The following SEMA3E variants were observed in gnomAD, a reference collection of about 807,000 sequenced individuals.
SEMA3E encodes semaphorin 3E, also known as semaphorin-3E.
A neutral mutation model predicts 93.6 loss-of-function variants in SEMA3E; 49 were observed. The observed-to-expected ratio is 0.52, with a 90% CI of 0.42 to 0.66. The LOEUF (loss-of-function observed/expected upper bound fraction) is 0.66, where lower values mean the gene tolerates loss of function less well. Ranked by LOEUF, SEMA3E falls within the 30% of genes least tolerant of loss-of-function variation. The pLI is 0.00. For synonymous variants in SEMA3E, 363 were observed against 330.7 expected (o/e 1.10, Z -1.06); for missense variants, 906 against 964.8 (o/e 0.94, Z 0.81).
rs552875832 is a variant in SEMA3E, at chr7:83,427,180, C to A, written c.457-8697G>T. Among the ~76,000 whole-genome samples, 17 of 151,684 alleles carry A rather than the reference C, an allele frequency of 1.1e-4. 1 individual carries two copies. In the South Asian group the frequency reaches 2.9e-3, roughly 26 times the overall value. On this transcript the variant is annotated intron_variant, in intron 4 of 16. Coordinates refer to ENST00000643230, the MANE Select transcript of SEMA3E (RefSeq NM_012431.3). ...CCCTTTTCCCATATGACTTTTCTTT[C>A]TTCCTTCCTTCCTTTCCTTCTTTTT...
chr7:83,494,449 C>T (rs1438812263), intron 1 of SEMA3E, among the ~76,000 whole-genome samples: 1 of 151,808 alleles, frequency 6.6e-6, no homozygotes, highest in East Asian at 1.9e-4. Context: ...CTTATAACTA[C>T]ATCCCTTAAT....
At chr7:83,396,766 A>G (rs767148031) in intron 11 of SEMA3E, 37 bp from the exon 12 acceptor site, 4 of 1,421,562 alleles carry the variant, frequency 2.8e-6, no homozygotes, top group African/African-American at 1.4e-5. Flanking sequence ...ACTAGAATCT[A>G]TGTCACAGTA....
intron 2 of SEMA3E, among the ~76,000 whole-genome samples, chr7:83,472,610 C>T (rs1253903970): frequency 6.6e-6 from 1 of 152,184 alleles, no homozygotes; most frequent in Non-Finnish European, 1.5e-5. Context: ...TCTGATGTAT[C>T]AATTTCATGG....
intron 1 of SEMA3E, among the ~76,000 whole-genome samples, chr7:83,623,092 T>C (rs1330884595): frequency 6.6e-6 from 1 of 152,140 alleles, no homozygotes; most frequent in Admixed American, 6.6e-5. Flanking sequence ...ACAACATTAT[T>C]CTAAATCTAT....
At chr7:83,479,677 T>TA (rs763617051) in intron 2 of SEMA3E, among the ~76,000 whole-genome samples, 15 of 152,180 alleles carry the variant, frequency 9.9e-5, no homozygotes, top group Admixed American at 2.0e-4. Flanking sequence ...TATCTGTTCT[T>TA]ACAGTTAAGA....
intron 4 of SEMA3E, among the ~76,000 whole-genome samples, chr7:83,427,128 G>A (rs1584241451): frequency 1.3e-5 from 2 of 152,060 alleles, no homozygotes; most frequent in South Asian, 4.2e-4. Flanking sequence ...GCAACAAGGA[G>A]GTACAATAAT....
intron 1 of SEMA3E, among the ~76,000 whole-genome samples, chr7:83,583,336 A>G (rs2115917747): frequency 6.6e-6 from 1 of 152,262 alleles, no homozygotes; most frequent in East Asian, 1.9e-4. Context: ...ATCATTTGAA[A>G]CACTTATCAT....
intron 1 of SEMA3E, among the ~76,000 whole-genome samples, chr7:83,559,307 A>G (rs1271693767): frequency 6.6e-6 from 1 of 152,130 alleles, no homozygotes; most frequent in Admixed American, 6.6e-5. Context: ...ATAAAAAGTC[A>G]TGGAATGGAA....
In SEMA3E at chr7:83,365,444, GTTTGA is replaced by G. The variant is rs1171139397; in HGVS notation, c.*2137_*2141del. The G allele has an allele frequency of 6.6e-6, 1 of 151,914 alleles. No homozygotes were observed. The highest frequency in any genetic ancestry group is 1.5e-5 in the Non-Finnish European group (1 of 67,966). The allele number at this position is 151,914 out of a possible 1,614,324, so 9.4% of individuals were successfully genotyped here. On this transcript the variant is annotated 3_prime_UTR_variant, in exon 17 of 17. Coordinates refer to ENST00000643230, the MANE Select transcript of SEMA3E (RefSeq NM_012431.3). ...TTAGCATTGAATAAACTTTCTTTGG[GTTTGA>G]TTTATTTTCCTATAATAAATTTTAG...
intron 1 of SEMA3E, among the ~76,000 whole-genome samples, chr7:83,502,153 C>T (rs746415915): frequency 2.6e-5 from 4 of 152,124 alleles, no homozygotes; most frequent in Non-Finnish European, 5.9e-5. Context: ...TTCTTGAGTG[C>T]CACACTATCT....
chr7:83,416,019 C>T (rs551211149), intron 5 of SEMA3E, among the ~76,000 whole-genome samples: 1 of 152,120 alleles, frequency 6.6e-6, no homozygotes, highest in East Asian at 1.9e-4. Context: ...ATTTTTCCAG[C>T]CCACATTCCT....
intron 1 of SEMA3E, among the ~76,000 whole-genome samples, chr7:83,603,845 T>G (rs1292897735): frequency 1.3e-5 from 2 of 152,208 alleles, no homozygotes; most frequent in Non-Finnish European, 2.9e-5. Flanking sequence ...TTGTAACAAG[T>G]GCTTATACAA....
intron 2 of SEMA3E, among the ~76,000 whole-genome samples, chr7:83,479,095 T>C (rs1045468177): frequency 2.0e-5 from 3 of 152,188 alleles, no homozygotes; most frequent in African/African-American, 7.2e-5. Flanking sequence ...GTCTGTGGTT[T>C]CCATCCTTAA....
chr7:83,582,500 A>G (rs887845652), intron 1 of SEMA3E, among the ~76,000 whole-genome samples: 3 of 152,086 alleles, frequency 2.0e-5, no homozygotes, highest in Non-Finnish European at 2.9e-5. Flanking sequence ...TCTGAGAATC[A>G]GGAGCCATTC....
chr7:83,513,070 G>T (rs965924447), intron 1 of SEMA3E, among the ~76,000 whole-genome samples: 1 of 152,048 alleles, frequency 6.6e-6, no homozygotes, highest in Non-Finnish European at 1.5e-5. Context: ...TCTATTTATC[G>T]CAATATTGAT....
At chr7:83,616,979 C>T (rs1584366847) in intron 1 of SEMA3E, among the ~76,000 whole-genome samples, 1 of 152,268 alleles carries the variant, frequency 6.6e-6, no homozygotes, top group East Asian at 1.9e-4. Flanking sequence ...CCCACCTTGG[C>T]CTCCCAAAGT....
At chr7:83,441,264 A>G (rs967690760) in intron 4 of SEMA3E, among the ~76,000 whole-genome samples, 1 of 152,234 alleles carries the variant, frequency 6.6e-6, no homozygotes, top group African/African-American at 2.4e-5. Context: ...TGAAAAGGAA[A>G]AAAGTAGAAG....
At chr7:83,390,234 T>C (rs1397782903) in intron 14 of SEMA3E, among the ~76,000 whole-genome samples, 1 of 15,312 alleles carries the variant, frequency 6.5e-5, no homozygotes, top group African/African-American at 1.6e-4. Context: ...TGCGCGTATA[T>C]ATGCGCGTAT....
At chr7:83,501,530 G>T (rs965354851) in intron 1 of SEMA3E, among the ~76,000 whole-genome samples, 2 of 152,068 alleles carry the variant, frequency 1.3e-5, no homozygotes, top group African/African-American at 4.8e-5. Flanking sequence ...TTGGCTTACT[G>T]CAACCTCCAC....
Sources: allele counts gnomAD v4.1 joint callset (sites outside exome capture counted in the v4.1 genomes callset), GRCh38; gene constraint gnomAD v4.1.1; transcripts MANE v1.5; gene names NCBI Gene and HGNC (gene_info 2026-07-23, HGNC 2026-07-21).